The following YIPF7 variants were observed in gnomAD, a reference collection of about 807,000 sequenced individuals.
YIPF7 encodes protein YIPF7.
In YIPF7, 35 loss-of-function variants were observed where a neutral mutation model predicts 27.2. The ratio of observed to expected loss-of-function variants is 1.29; its 90% CI spans 0.98 to 1.70. The LOEUF (loss-of-function observed/expected upper bound fraction) is 1.70. Among genes scored for constraint, YIPF7 ranks in the 40% most tolerant of loss-of-function variants. YIPF7 has a pLI of 0.00. For synonymous variants in YIPF7, 137 were observed against 110.4 expected (o/e 1.24, Z -1.51); for missense variants, 358 against 303.7 (o/e 1.18, Z -1.33).
intron 3 of YIPF7, among the ~76,000 whole-genome samples, chr4:44,631,623 C>T (rs1040857237): frequency 1.3e-5 from 2 of 151,962 alleles, no homozygotes; most frequent in Non-Finnish European, 1.5e-5. Context: ...AAATTAATAG[C>T]AAATAATTTA....
At chr4:44,648,762 A>C (rs1713617395) in intron 2 of YIPF7, among the ~76,000 whole-genome samples, 2 of 152,110 alleles carry the variant, frequency 1.3e-5, no homozygotes, top group South Asian at 4.1e-4. Flanking sequence ...AATTTTTTTC[A>C]TAACAATTCC....
chr4:44,648,773 A>T (rs1365778766), intron 2 of YIPF7, among the ~76,000 whole-genome samples: 1 of 152,140 alleles, frequency 6.6e-6, no homozygotes, highest in Non-Finnish European at 1.5e-5. Flanking sequence ...TAACAATTCC[A>T]TTAAGTAGGT....
At chr4:44,652,027 C>T (rs138361482), upstream of YIPF7, among the ~76,000 whole-genome samples, 30 of 152,162 alleles carry the variant, frequency 2.0e-4, no homozygotes, top group African/African-American at 4.8e-5. Flanking sequence ...TCAATTTTAT[C>T]TAAATCAGAG....
intron 3 of YIPF7, among the ~76,000 whole-genome samples, chr4:44,634,963 C>T (rs1247983145): frequency 6.6e-6 from 1 of 152,008 alleles, no homozygotes; most frequent in East Asian, 1.9e-4. Context: ...GCCAATAGAT[C>T]GATTATATAA....
At position 44,636,069 on chromosome 4, in the gene YIPF7, G is replaced by T; in HGVS notation, c.133C>A (p.Gln45Lys). 6.2e-7 allele frequency: 1 copy of T among 1,609,016 alleles called. No individual in the cohort carries two copies. The highest frequency in any genetic ancestry group is 8.5e-7 in the Non-Finnish European group (1 of 1,176,946). ...YGSRKQQAGE[Q>K]PQPASFVPSE... The stretch of plus-strand genomic sequence containing the variant: ...GGAACAAAGGAGGCAGGCTGAGGCT[G>T]CTCACCAGCTTGTTGTCTAGAAAAA... Residue 45 changes from glutamine (Q) to lysine (K), a missense_variant, in exon 3 of 6, where the codon CAG (glutamine) becomes AAG (lysine). Physicochemically the swap from Gln to Lys is moderately conservative, Grantham distance 53. Transcript: ENST00000415895.
intron 3 of YIPF7, among the ~76,000 whole-genome samples, chr4:44,631,612 T>G (rs1712900982): frequency 6.6e-6 from 1 of 152,170 alleles, no homozygotes; most frequent in African/African-American, 2.4e-5. Context: ...AAATTGAATG[T>G]AAATTAATAG....
chr4:44,646,223 G>A (rs1231987351), intron 2 of YIPF7, among the ~76,000 whole-genome samples: 1 of 152,176 alleles, frequency 6.6e-6, no homozygotes, highest in Non-Finnish European at 1.5e-5. Context: ...GATTAAGCTT[G>A]TAAACTCAGG....
intron 3 of YIPF7, among the ~76,000 whole-genome samples, chr4:44,630,576 T>G (rs902476913): frequency 2.0e-5 from 3 of 152,216 alleles, no homozygotes; most frequent in African/African-American, 7.2e-5. Context: ...ACCTTTCTCT[T>G]TTATACATGG....
chr4:44,634,462 G>T (rs1713034587), intron 3 of YIPF7, among the ~76,000 whole-genome samples: 1 of 152,144 alleles, frequency 6.6e-6, no homozygotes, highest in African/African-American at 2.4e-5. Flanking sequence ...AACCCGGGAG[G>T]CAGAGGTTGC....
chr4:44,661,245 A>G (rs1439035467), intron 1 of YIPF7, among the ~76,000 whole-genome samples: 1 of 152,214 alleles, frequency 6.6e-6, no homozygotes, highest in Non-Finnish European at 1.5e-5. Context: ...ACTATAAACC[A>G]TTTGTTAAGA....
Position 44,622,122 on chromosome 4 carries a change from A to T in YIPF7, c.*292T>A, listed in dbSNP as rs540355630. 1.0e-5 allele frequency: 3 copies of T among 295,654 alleles called. No individual in the cohort carries two copies. Among genetic ancestry groups the T allele is most frequent in the Non-Finnish European group, 1.9e-5 (3 of 158,964 alleles). 18.3% of individuals were successfully genotyped at this position (295,654 alleles called of 1,614,324 possible). A position where few individuals can be genotyped will look rare whatever the true frequency, so the allele number is the denominator to read the frequency against. On this transcript the variant is annotated 3_prime_UTR_variant, in exon 6 of 6. Coordinates refer to ENST00000415895, the MANE Select transcript of YIPF7 (RefSeq NM_182592.3). ...AGTAAACATATGAGTTTATTTACTT[A>T]CTTTTCTCAGAAATACCTCTATTGA...
chr4:44,650,214 A>G, intron 1 of YIPF7, 113 bp from the exon 2 acceptor site: 1 of 719,802 alleles, frequency 1.4e-6, no homozygotes, highest in Non-Finnish European at 2.5e-6. Flanking sequence ...ATCAGAAAAA[A>G]AGATGTCCTT....
chr4:44,630,002 G>A (rs1712828838), intron 3 of YIPF7, among the ~76,000 whole-genome samples: 1 of 152,040 alleles, frequency 6.6e-6, no homozygotes, highest in African/African-American at 2.4e-5. Context: ...TTCGAGGCAG[G>A]GTTTCCCTCT....
Position 44,636,031 on chromosome 4 carries a change from G to A in YIPF7, c.171C>T (p.Leu57=), listed in dbSNP as rs760318498. The A allele has an allele frequency of 3.1e-6, 5 of 1,613,704 alleles. No homozygotes were observed. The Admixed American group carries it at 5.0e-5, about 16-fold the overall frequency. The change falls in exon 3 of 6, where the codon CTC becomes CTT. Residue 57 remains leucine, a synonymous_variant. Transcript: ENST00000415895. ...QPASFVPSEM[L]MSSGYAGQFF... is the part of the protein sequence containing the mutation. The stretch of plus-strand genomic sequence containing the variant: ...ATTGTCCTGCGTAACCCGATGACAT[G>A]AGCATCTCTGATGGAACAAAGGAGG...
intron 1 of YIPF7, among the ~76,000 whole-genome samples, chr4:44,661,606 G>A (rs1049786787): frequency 6.6e-6 from 1 of 152,112 alleles, no homozygotes; most frequent in African/African-American, 2.4e-5. Context: ...CCCTTGTAAA[G>A]GGTACACATG....
intron 2 of YIPF7, among the ~76,000 whole-genome samples, chr4:44,637,944 T>A (rs1311915332): frequency 6.6e-6 from 1 of 152,164 alleles, no homozygotes; most frequent in Non-Finnish European, 1.5e-5. Flanking sequence ...TATGGCTGAA[T>A]AGTATTCAAA....
At chr4:44,643,677 C>T (rs1162420343) in intron 2 of YIPF7, among the ~76,000 whole-genome samples, 1 of 152,158 alleles carries the variant, frequency 6.6e-6, no homozygotes, top group Non-Finnish European at 1.5e-5. Context: ...CCCCTCTTCC[C>T]TTCATAGCCT....
chr4:44,622,246 A>T lies in YIPF7; in HGVS notation c.*168T>A. 1 of 810,988 alleles carries T rather than the reference A, an allele frequency of 1.2e-6. No individual in the cohort carries two copies. The highest frequency in any genetic ancestry group is 1.9e-6 in the Non-Finnish European group (1 of 525,668). The allele number at this position is 810,988 out of a possible 1,614,324, so 50.2% of individuals were successfully genotyped here. A position where few individuals can be genotyped will look rare whatever the true frequency, so the allele number is the denominator to read the frequency against. ...AAACTCAAAAGCAAAACATCATTCA[A>T]ACCAACAGGCTATTAGAGCACCACC... On this transcript the variant is annotated 3_prime_UTR_variant, in exon 6 of 6. Coordinates refer to ENST00000415895, the MANE Select transcript of YIPF7 (RefSeq NM_182592.3).
At chr4:44,657,191 T>C (rs1050562810) in intron 2 of YIPF7, among the ~76,000 whole-genome samples, 10 of 152,206 alleles carry the variant, frequency 6.6e-5, no homozygotes, top group Non-Finnish European at 1.5e-4. Context: ...ATTGTCAATA[T>C]ACAAATTCTA....
Sources: allele counts gnomAD v4.1 joint callset (sites outside exome capture counted in the v4.1 genomes callset), GRCh38; gene constraint gnomAD v4.1.1; transcripts MANE v1.5; gene names NCBI Gene and HGNC (gene_info 2026-07-23, HGNC 2026-07-21).